Variants in VEZT observed in about 807,000 individuals in gnomAD.
VEZT encodes the protein vezatin, adherens junctions transmembrane protein.
A neutral mutation model predicts 79.9 loss-of-function variants in VEZT; 39 were observed. That is an observed-to-expected ratio of 0.49 (90% CI 0.38 to 0.64). VEZT has a LOEUF of 0.64. Ranked by LOEUF, VEZT falls within the 30% of genes least tolerant of loss-of-function variation. VEZT has a pLI of 0.00. For missense variants in VEZT, 837 were observed against 893.1 expected (o/e 0.94, Z 0.80); for synonymous variants, 325 against 327.6 (o/e 0.99, Z 0.09).
intron 1 of VEZT, chr12:95,244,079 A>T: frequency 2.3e-5 from 9 of 393,064 alleles, no homozygotes; most frequent in South Asian, 3.6e-5. Flanking sequence ...CAGACTAAAA[A>T]CTCTTTTTTT....
At chr12:95,270,962 A>G (rs1482429687) in intron 6 of VEZT, among the ~76,000 whole-genome samples, 2 of 152,198 alleles carry the variant, frequency 1.3e-5, no homozygotes, top group African/African-American at 4.8e-5. Flanking sequence ...AATGCTGGGT[A>G]TTGTAGCACT....
At chr12:95,250,577 A>T (rs1014556388) in intron 1 of VEZT, among the ~76,000 whole-genome samples, 1 of 152,030 alleles carries the variant, frequency 6.6e-6, no homozygotes, top group African/African-American at 2.4e-5. Context: ...TGTTGGGATT[A>T]CAGGCGTGAG....
chr12:95,252,689 G>T (rs976414938), intron 2 of VEZT, among the ~76,000 whole-genome samples: 10 of 152,354 alleles, frequency 6.6e-5, no homozygotes, highest in African/African-American at 2.4e-4. Flanking sequence ...TATGGGCCAG[G>T]CGCGGTGGCT....
chr12:95,293,514 C>T (rs1450241942), intron 9 of VEZT, among the ~76,000 whole-genome samples: 2 of 152,140 alleles, frequency 1.3e-5, no homozygotes, highest in Admixed American at 6.5e-5. Context: ...AAGTTAAACT[C>T]ACTTGGGTGA....
chr12:95,226,831 C>T (rs79732754), intron 1 of VEZT, among the ~76,000 whole-genome samples: 106 of 152,232 alleles, frequency 7.0e-4, no homozygotes, highest in African/African-American at 2.5e-3. Flanking sequence ...AGCTAGATTC[C>T]GTATGTACTT....
chr12:95,240,241 T>C (rs2060839651), intron 1 of VEZT, among the ~76,000 whole-genome samples: 1 of 152,172 alleles, frequency 6.6e-6, no homozygotes, highest in South Asian at 2.1e-4. Flanking sequence ...AAGTGCCATT[T>C]GTGGAAGAGG....
In VEZT at chr12:95,300,812, A is replaced by G; in HGVS notation, c.*139A>G. 8.3e-7 allele frequency: 1 copy of G among 1,210,144 alleles called. No homozygotes were observed. The highest frequency in any genetic ancestry group is 1.1e-6 in the Non-Finnish European group (1 of 932,298). 75.0% of individuals were successfully genotyped at this position (1,210,144 alleles called of 1,614,324 possible). A position where few individuals can be genotyped will look rare whatever the true frequency, so the allele number is the denominator to read the frequency against. ...GATTTACAGGAAGAACCCTGGTTTG[A>G]ATAACTGATCTGAAATTAGTAGTTA... On this transcript the variant is annotated 3_prime_UTR_variant, in exon 12 of 12. Coordinates refer to ENST00000436874, the MANE Select transcript of VEZT (RefSeq NM_017599.4).
Position 95,286,283 on chromosome 12 carries a change from T to A in VEZT, c.1329-1381T>A, listed in dbSNP as rs191788757. On this transcript the variant is annotated intron_variant, in intron 8 of 11. Transcript: ENST00000436874. ...CTGGGATTACAGGTGTGAGCCACCG[T>A]GCCTGACCGCAAATTTTACATGTAT... 3.4e-3 allele frequency: 1,211 copies of A among 359,570 alleles called. 5 individuals carry two copies. The highest frequency in any genetic ancestry group is 5.4e-3 in the Non-Finnish European group (1,016 of 186,530). The allele number at this position is 359,570 out of a possible 1,614,324, so 22.3% of individuals were successfully genotyped here.
chr12:95,258,373 C>CCA (rs2063804120), intron 3 of VEZT: 1 of 429,072 alleles, frequency 2.3e-6, no homozygotes, highest in Admixed American at 2.4e-5. Context: ...GTGTCACTGG[C>CCA]CACATGTTTC....
At chr12:95,233,765 G>GTA (rs146104143) in intron 1 of VEZT, among the ~76,000 whole-genome samples, 37 of 151,360 alleles carry the variant, frequency 2.4e-4, no homozygotes, top group African/African-American at 3.9e-4. Context: ...ATGTGTATGT[G>GTA]TATATATATA....
intron 3 of VEZT, among the ~76,000 whole-genome samples, chr12:95,261,860 T>C (rs796701595): frequency 1.4e-4 from 22 of 152,356 alleles, no homozygotes; most frequent in African/African-American, 4.8e-4. Context: ...TGTTCTCCCC[T>C]ACATAATGGA....
chr12:95,293,425 T>C (rs2073443089), intron 9 of VEZT, among the ~76,000 whole-genome samples: 1 of 152,202 alleles, frequency 6.6e-6, no homozygotes, highest in African/African-American at 2.4e-5. Flanking sequence ...AGAAAGATAA[T>C]GATTAATGAT....
chr12:95,296,043 A>G lies in VEZT; in HGVS notation c.1624-8A>G, dbSNP rs768886240. The G allele has an allele frequency of 1.3e-5, 20 of 1,522,124 alleles. No individual in the cohort carries two copies. The African/African-American group carries it at 2.4e-4, about 18-fold the overall frequency. The allele number at this position is 1,522,124 out of a possible 1,614,324, so 94.3% of individuals were successfully genotyped here. ...AAGTAAAGTGCTTTTTCTTCTATTC[A>G]TTTTCAGGAATTAGAAGCTTATGTA... On this transcript the variant is annotated splice_region_variant and splice_polypyrimidine_tract_variant and intron_variant, in intron 10 of 11. Coordinates refer to ENST00000436874, the MANE Select transcript of VEZT (RefSeq NM_017599.4).
intron 6 of VEZT, among the ~76,000 whole-genome samples, chr12:95,274,329 G>T (rs990984560): frequency 6.6e-6 from 1 of 152,118 alleles, no homozygotes; most frequent in East Asian, 1.9e-4. Context: ...AGCTGGGTGT[G>T]GTGGCGCATG....
intron 4 of VEZT, among the ~76,000 whole-genome samples, 175 bp from the exon 5 acceptor site, chr12:95,266,182 A>G (rs930496353): frequency 3.3e-5 from 5 of 152,194 alleles, no homozygotes; most frequent in Admixed American, 1.3e-4. Context: ...GTATTTTAAA[A>G]ATCTTTCACA....
Position 95,265,091 on chromosome 12 carries a change from G to C in VEZT, c.435-1266G>C, listed in dbSNP as rs138593046. Among the ~76,000 whole-genome samples, 32 of 151,870 alleles carry C rather than the reference G, an allele frequency of 2.1e-4. No homozygotes were observed. In the East Asian group the frequency reaches 5.0e-3, roughly 24 times the overall value. ...GCCCAGTCTGGTCTCGAACTCCTGGGCTCAAGTGGTCCTCCCACCTGTGCC... is the reference window on the plus strand; with the variant it reads ...GCCCAGTCTGGTCTCGAACTCCTGGCCTCAAGTGGTCCTCCCACCTGTGCC... On this transcript the variant is annotated intron_variant, in intron 4 of 11. Coordinates refer to ENST00000436874, the MANE Select transcript of VEZT (RefSeq NM_017599.4).
intron 1 of VEZT, chr12:95,231,290 G>T (rs1310689058): frequency 6.6e-6 from 1 of 152,116 alleles, no homozygotes; most frequent in Non-Finnish European, 1.5e-5. Flanking sequence ...TATTACCTTT[G>T]TCTGTAGTTG....
Position 95,287,800 on chromosome 12 carries a change from T to C in VEZT, c.1465T>C (p.Trp489Arg). 2.5e-6 allele frequency: 4 copies of C among 1,608,464 alleles called. No homozygotes were observed. The highest frequency in any genetic ancestry group is 3.4e-6 in the Non-Finnish European group (4 of 1,177,202). ...CCACGTTCAAGCAAGCAACAATTGCTGGGAAGAGGCCATTTCTCAGGTCGA... is the reference window on the plus strand; with the variant it reads ...CCACGTTCAAGCAAGCAACAATTGCCGGGAAGAGGCCATTTCTCAGGTCGA... Reference protein sequence around the residue: ...QPHVQASNNCWEEAISQVDKL... With the variant: ...QPHVQASNNCREEAISQVDKL... Residue 489 changes from tryptophan (W) to arginine (R), a missense_variant, in exon 9 of 12, where the codon TGG (tryptophan) becomes CGG (arginine). Transcript: ENST00000436874.
At position 95,274,399 on chromosome 12, in the gene VEZT, G is replaced by A. The variant is rs552578976; in HGVS notation, c.849-343G>A. Among the ~76,000 whole-genome samples the A allele has an allele frequency of 4.6e-5, 7 of 152,282 alleles. No homozygotes were observed. The South Asian group carries it at 8.3e-4, about 18-fold the overall frequency. ...GAGAATTGCTTGAACCTGAAAGGCCGAGGTTGCAGTGAGCCGGGTTGGTGC... is the reference window on the plus strand; with the variant it reads ...GAGAATTGCTTGAACCTGAAAGGCCAAGGTTGCAGTGAGCCGGGTTGGTGC... On this transcript the variant is annotated intron_variant, in intron 6 of 11. Transcript: ENST00000436874.
Sources: gnomAD v4.1 joint callset for allele counts (sites outside exome capture counted in the v4.1 genomes callset) on GRCh38, gnomAD v4.1.1 for gene constraint, MANE v1.5 for transcripts, NCBI Gene and HGNC (gene_info 2026-07-23, HGNC 2026-07-21) for gene names.